The following CORIN variants were observed in gnomAD, a reference collection of about 807,000 sequenced individuals.
CORIN encodes atrial natriuretic peptide-converting enzyme.
CORIN carries 117 observed loss-of-function variants against 125.3 expected under a neutral mutation model. The ratio of observed to expected loss-of-function variants is 0.93; its 90% CI spans 0.80 to 1.09. CORIN has a LOEUF of 1.09. Among genes scored for constraint, CORIN ranks in the 50% least tolerant of loss-of-function variants. The probability of loss-of-function intolerance (pLI) is 0.00; values close to 1 mark genes in which losing one functional copy is unlikely to be tolerated. For synonymous variants in CORIN, 450 were observed against 466.4 expected (o/e 0.96, Z 0.45); for missense variants, 1,253 against 1,306.7 (o/e 0.96, Z 0.63).
chr4:47,783,630 AT>A (rs1300481686), intron 3 of CORIN, among the ~76,000 whole-genome samples: 1 of 152,132 alleles, frequency 6.6e-6, no homozygotes, highest in Non-Finnish European at 1.5e-5. Context: ...TGAAAATAAC[AT>A]CTTAATTTGA....
chr4:47,706,526 G>A, intron 5 of CORIN: 1 of 1,611,398 alleles, frequency 6.2e-7, no homozygotes, highest in African/African-American at 1.3e-5. Flanking sequence ...CGCCAACTGG[G>A]CTACAAGGCC....
Position 47,806,920 on chromosome 4 carries a change from A to C in CORIN, c.191T>G (p.Ile64Ser). 1 of 1,612,940 alleles carries C rather than the reference A, an allele frequency of 6.2e-7. No individual in the cohort carries two copies. Among genetic ancestry groups the C allele is most frequent in the South Asian group, 1.1e-5 (1 of 90,708 alleles). ...TCACCCACCAACATAGGAAAGCAGG[A>C]TCACCAGCAAGAGAACGAGAGCACA... Reference protein sequence around the residue: ...CICALVLLLVILLSYVGTLQK... With the variant: ...CICALVLLLVSLLSYVGTLQK... Residue 64 changes from isoleucine to serine, a missense_variant, in exon 2 of 22, where the codon ATC becomes AGC. Physicochemically the swap from Ile to Ser is moderately radical, Grantham distance 142. Coordinates refer to ENST00000273857, the MANE Select transcript of CORIN (RefSeq NM_006587.4).
chr4:47,786,332 C>T (rs886160484), intron 3 of CORIN, among the ~76,000 whole-genome samples: 7 of 151,952 alleles, frequency 4.6e-5, no homozygotes, highest in East Asian at 1.9e-4. Flanking sequence ...GTCAGGAGTT[C>T]GAGACCAGCC....
intron 2 of CORIN, among the ~76,000 whole-genome samples, chr4:47,805,415 T>C (rs536611066): frequency 6.6e-6 from 1 of 152,192 alleles, no homozygotes; most frequent in East Asian, 1.9e-4. Flanking sequence ...CCTCTCTCCC[T>C]CACACCAAAA....
chr4:47,752,079 C>A, intron 4 of CORIN, among the ~76,000 whole-genome samples: 1 of 152,088 alleles, frequency 6.6e-6, no homozygotes. Context: ...CTCTCCCTCA[C>A]CTCCCGGACT....
At chr4:47,612,173 C>T (rs2109529147) in intron 19 of CORIN, among the ~76,000 whole-genome samples, 1 of 152,222 alleles carries the variant, frequency 6.6e-6, no homozygotes, top group East Asian at 1.9e-4. Flanking sequence ...TAGATTTCAG[C>T]TATAAATCTG....
chr4:47,680,509 T>C (rs1462527115), intron 7 of CORIN: 1 of 356,498 alleles, frequency 2.8e-6, no homozygotes, highest in Non-Finnish European at 5.1e-6. Flanking sequence ...ACCCGTAGTT[T>C]GTTCTTATTG....
In CORIN at chr4:47,616,183, A is replaced by G. The variant is rs571737596; in HGVS notation, c.2540+7388T>C. The stretch of plus-strand genomic sequence containing the variant: ...TTGGTGGGTGGTGGTGATTGGGTGG[A>G]AATCTGGGCTGGGCTGGAGATATAA... On this transcript the variant is annotated intron_variant, in intron 19 of 21. Transcript: ENST00000273857. Among the ~76,000 whole-genome samples the G allele has an allele frequency of 3.5e-4, 53 of 152,244 alleles. 2 individuals carry two copies. The South Asian group carries it at 0.011, about 32-fold the overall frequency.
At position 47,623,552 on chromosome 4, in the gene CORIN, A is replaced by G. The variant is rs1351359236; in HGVS notation, c.2540+19T>C. The G allele has an allele frequency of 6.2e-7, 1 of 1,608,722 alleles. No individual in the cohort carries two copies. ...GTGATCAAATCCAGGCAAAGGAAAA[A>G]AGGAAAGGTGCAGCTTACCCCTCGA... On this transcript the variant is annotated intron_variant, in intron 19 of 21. Coordinates refer to ENST00000273857, the MANE Select transcript of CORIN (RefSeq NM_006587.4).
chr4:47,623,117 T>TATATATATATATATATATACAC (rs141525347), intron 19 of CORIN, among the ~76,000 whole-genome samples: 5 of 134,518 alleles, frequency 3.7e-5, no homozygotes, highest in African/African-American at 9.3e-5. Flanking sequence ...TATATATATA[T>TATATATATATATATATATACAC]ACACACACAC....
intron 5 of CORIN, among the ~76,000 whole-genome samples, chr4:47,721,024 A>ACGG (rs1227473632): frequency 2.6e-5 from 4 of 151,818 alleles, no homozygotes; most frequent in African/African-American, 9.7e-5. Flanking sequence ...ACTACCACAG[A>ACGG]TGGGGTGGCT....
chr4:47,612,665 C>T (rs116771863), intron 19 of CORIN, among the ~76,000 whole-genome samples: 2,731 of 152,270 alleles, frequency 0.018, 88 homozygotes, highest in African/African-American at 0.062. Context: ...GACTAACTTG[C>T]TGGTCCTTTG....
intron 13 of CORIN, among the ~76,000 whole-genome samples, chr4:47,651,051 G>A (rs1164751201): frequency 6.6e-6 from 1 of 152,214 alleles, no homozygotes; most frequent in Non-Finnish European, 1.5e-5. Context: ...TTTTAAAAGT[G>A]TATTTATAAG....
At chr4:47,617,680 A>G (rs1722118976) in intron 19 of CORIN, among the ~76,000 whole-genome samples, 1 of 152,314 alleles carries the variant, frequency 6.6e-6, no homozygotes, top group Non-Finnish European at 1.5e-5. Context: ...ATTGATGGGA[A>G]TGGGCCAAAT....
At chr4:47,652,715 A>C (rs1287892947) in intron 13 of CORIN, 1 of 152,206 alleles carries the variant, frequency 6.6e-6, no homozygotes, top group Non-Finnish European at 1.5e-5. Context: ...AATGTCAAGA[A>C]GAGTTTTATC....
At chr4:47,666,478 G>A (rs988483557) in intron 10 of CORIN, among the ~76,000 whole-genome samples, 9 of 152,166 alleles carry the variant, frequency 5.9e-5, no homozygotes, top group African/African-American at 1.7e-4. Context: ...AAGGATGCAC[G>A]CGCTGGTAGC....
rs1721229624 is a variant in CORIN, at chr4:47,595,851, A to G, written c.2999T>C (p.Leu1000Ser). 1.9e-6 allele frequency: 3 copies of G among 1,613,660 alleles called. No homozygotes were observed. The highest frequency in any genetic ancestry group is 1.1e-5 in the South Asian group (1 of 91,056). ...GGAGCCCCATGAAGTTAATCCAAAT[A>G]ATGTCCACCGTCCTCCAGGCTTCTC... ...VCEKPGGRWT[L>S]FGLTSWGSVC... is the part of the protein sequence containing the mutation. The change falls in exon 22 of 22, where the codon TTA becomes TCA. Residue 1000 changes from leucine to serine, a missense_variant. Transcript: ENST00000273857.
At chr4:47,692,769 A>G (rs1447283697) in intron 6 of CORIN, among the ~76,000 whole-genome samples, 1 of 152,192 alleles carries the variant, frequency 6.6e-6, no homozygotes, top group Non-Finnish European at 1.5e-5. Flanking sequence ...ATCTGTTCCA[A>G]TGCAGCCTCT....
At chr4:47,621,196 GC>G (rs1722295970) in intron 19 of CORIN, among the ~76,000 whole-genome samples, 1 of 152,140 alleles carries the variant, frequency 6.6e-6, no homozygotes, top group Admixed American at 6.5e-5. Flanking sequence ...ATGGCTCTGG[GC>G]AACCACATAG....
Sources: allele counts gnomAD v4.1 joint callset (sites outside exome capture counted in the v4.1 genomes callset), GRCh38; gene constraint gnomAD v4.1.1; transcripts MANE v1.5; gene names NCBI Gene and HGNC (gene_info 2026-07-23, HGNC 2026-07-21).